ARMC2: variants seen among roughly 807,000 people sequenced by gnomAD.
The protein encoded by ARMC2 is armadillo repeat containing 2, also known as armadillo repeat-containing protein 2.
A neutral mutation model predicts 90.3 loss-of-function variants in ARMC2; 67 were observed. The ratio of observed to expected loss-of-function variants is 0.74; its 90% CI spans 0.61 to 0.91. The LOEUF is 0.91. Ranked by LOEUF, ARMC2 falls within the 40% of genes least tolerant of loss-of-function variation. ARMC2 has a pLI of 0.00. For synonymous variants in ARMC2, 393 were observed against 393.0 expected, an observed-to-expected ratio of 1.00 and a Z score of 0.00; for missense variants, 920 against 1,030.9, an observed-to-expected ratio of 0.89 and a Z score of 1.47.
chr6:108,977,205 C>A (rs1778999221), downstream of ARMC2, among the ~76,000 whole-genome samples: 1 of 144,212 alleles, frequency 6.9e-6, no homozygotes, highest in African/African-American at 2.8e-5. Flanking sequence ...GGGTTTTTAG[C>A]ATGAAGGCTG....
At chr6:109,002,411 G>T in the ARMC2 span, 1 of 1,307,552 alleles carries the variant, frequency 7.6e-7, no homozygotes, top group South Asian at 1.2e-5. Context: ...CTAAAGGAAT[G>T]GGAGGGAAAA....
chr6:108,850,121 C>T (rs1773855165), intron 1 of ARMC2, among the ~76,000 whole-genome samples: 1 of 152,122 alleles, frequency 6.6e-6, no homozygotes, highest in Non-Finnish European at 1.5e-5. Context: ...TAGTTATAAA[C>T]TTCTATAAAT....
At chr6:108,851,841 T>C (rs1391510840) in intron 1 of ARMC2, among the ~76,000 whole-genome samples, 1 of 152,190 alleles carries the variant, frequency 6.6e-6, no homozygotes, top group African/African-American at 2.4e-5. Context: ...ATTGAGATAA[T>C]GCAGTCAAGA....
At chr6:108,961,502 T>TGTA in intron 13 of ARMC2, 70 bp from the exon 14 acceptor site, 4 of 1,485,672 alleles carry the variant, frequency 2.7e-6, no homozygotes, top group Non-Finnish European at 3.6e-6. Context: ...CTGCTGTTGC[T>TGTA]GTAGTTGCAA....
At chr6:109,001,172 G>T in the ARMC2 span, 1 of 868,622 alleles carries the variant, frequency 1.2e-6, no homozygotes, top group Non-Finnish European at 1.8e-6. Context: ...TGTGCAACAG[G>T]AATCATATTA....
the ARMC2 span, among the ~76,000 whole-genome samples, chr6:109,014,283 T>G: frequency 6.6e-6 from 1 of 152,208 alleles, no homozygotes; most frequent in Non-Finnish European, 1.5e-5. Flanking sequence ...CTGATAATAA[T>G]AAGACCAGTA....
chr6:108,906,043 A>C (rs913824161), intron 8 of ARMC2, among the ~76,000 whole-genome samples: 12 of 152,332 alleles, frequency 7.9e-5, no homozygotes, highest in East Asian at 3.8e-4. Flanking sequence ...CAAAAACTAA[A>C]GCTATATGGG....
chr6:108,869,795 TC>T (rs1776204549), intron 4 of ARMC2, among the ~76,000 whole-genome samples: 1 of 151,502 alleles, frequency 6.6e-6, no homozygotes, highest in African/African-American at 2.4e-5. Context: ...GCCTGAGGAG[TC>T]CCACCAACAA....
At chr6:108,894,597 G>GT in intron 6 of ARMC2, 54 bp downstream of exon 6, 1 of 1,478,700 alleles carries the variant, frequency 6.8e-7, no homozygotes, top group South Asian at 1.3e-5. Flanking sequence ...AAGGAAAGAT[G>GT]TTTGCACTGA....
rs1776116410 is a variant in ARMC2, at chr6:108,869,012, T to A, written c.463+17T>A. Reference sequence around the variant, plus strand: ...CCTCCGACTGTAAGGCCATGTAACATCCTGTAATCTCTGGGGACAGGCATG... The same window carrying A: ...CCTCCGACTGTAAGGCCATGTAACAACCTGTAATCTCTGGGGACAGGCATG... On this transcript the variant is annotated intron_variant, in intron 4 of 17. Transcript: ENST00000392644. 6.3e-7 allele frequency: 1 copy of A among 1,575,402 alleles called. No individual in the cohort carries two copies. Among genetic ancestry groups the A allele is most frequent in the African/African-American group, 1.4e-5 (1 of 73,310 alleles).
At chr6:108,907,134 A>T (rs9400251) in intron 8 of ARMC2, among the ~76,000 whole-genome samples, 5,626 of 151,932 alleles carry the variant, frequency 0.037, 231 homozygotes, top group East Asian at 0.2. Flanking sequence ...CTTTGTTTTC[A>T]TTTTTGTTTT....
At chr6:108,856,477 C>T in intron 2 of ARMC2, 1 of 215,588 alleles carries the variant, frequency 4.6e-6, no homozygotes, top group Admixed American at 4.1e-5. Flanking sequence ...CAGAGACCTA[C>T]CCATTACCCT....
At chr6:108,988,093 C>T in the ARMC2 span, among the ~76,000 whole-genome samples, 2 of 152,112 alleles carry the variant, frequency 1.3e-5, no homozygotes, top group Non-Finnish European at 2.9e-5. Context: ...CATACCTGGC[C>T]TAATATTCTT....
At chr6:108,884,811 C>T (rs1344487644) in intron 5 of ARMC2, among the ~76,000 whole-genome samples, 2 of 152,080 alleles carry the variant, frequency 1.3e-5, no homozygotes, top group Non-Finnish European at 2.9e-5. Context: ...GAGAGGAGAG[C>T]CTGGGACAAA....
At chr6:108,992,426 T>C in the ARMC2 span, among the ~76,000 whole-genome samples, 16,302 of 152,142 alleles carry the variant, frequency 0.11, 1,000 homozygotes, top group Middle Eastern at 0.19. Context: ...CCCTTAGTTT[T>C]TTGAGCAAAG....
At chr6:108,899,519 G>A (rs1247812758) in intron 6 of ARMC2, among the ~76,000 whole-genome samples, 175 bp from the exon 7 acceptor site, 3 of 152,166 alleles carry the variant, frequency 2.0e-5, no homozygotes, top group Admixed American at 2.0e-4. Context: ...TTAATTTGGG[G>A]TAATTTGATT....
At chr6:108,929,097 A>G (rs767659515) in intron 11 of ARMC2, among the ~76,000 whole-genome samples, 20 of 152,148 alleles carry the variant, frequency 1.3e-4, no homozygotes, top group Non-Finnish European at 2.8e-4. Flanking sequence ...GGCAGTAAGC[A>G]TAGTACCCAA....
intron 12 of ARMC2, among the ~76,000 whole-genome samples, chr6:108,948,562 C>T (rs1297102792): frequency 1.3e-5 from 2 of 150,478 alleles, no homozygotes; most frequent in Admixed American, 6.7e-5. Context: ...TTGTTGATCT[C>T]GCATGCCATG....
chr6:108,994,638 T>C, the ARMC2 span: 9 of 1,583,128 alleles, frequency 5.7e-6, no homozygotes, highest in South Asian at 5.7e-5. Flanking sequence ...TAATGTTACA[T>C]GTGGCAGACA....
Sources: allele counts gnomAD v4.1 joint callset (sites outside exome capture counted in the v4.1 genomes callset), GRCh38; gene constraint gnomAD v4.1.1; transcripts MANE v1.5; gene names NCBI Gene and HGNC (gene_info 2026-07-23, HGNC 2026-07-21).